The following TM9SF3 variants were observed in gnomAD, a reference collection of about 807,000 sequenced individuals.
TM9SF3 encodes transmembrane 9 superfamily member 3.
TM9SF3 carries 14 observed loss-of-function variants against 78.6 expected under a neutral mutation model. The observed-to-expected ratio is 0.18, with a 90% CI of 0.12 to 0.28. TM9SF3 has a LOEUF of 0.28. Among genes scored for constraint, TM9SF3 ranks in the 10% least tolerant of loss-of-function variants. TM9SF3 has a pLI of 1.00. For synonymous variants in TM9SF3, 231 were observed against 241.7 expected (o/e 0.96, Z 0.41); for missense variants, 496 against 721.9 (o/e 0.69, Z 3.59).
intron 14 of TM9SF3, among the ~76,000 whole-genome samples, chr10:96,523,656 G>A (rs1346496048): frequency 6.6e-6 from 1 of 151,826 alleles, no homozygotes; most frequent in African/African-American, 2.4e-5. Flanking sequence ...AAGTATTCTT[G>A]AGTATGATCA....
At chr10:96,583,387 T>C (rs1167250540) in intron 1 of TM9SF3, among the ~76,000 whole-genome samples, 1 of 152,236 alleles carries the variant, frequency 6.6e-6, no homozygotes, top group Non-Finnish European at 1.5e-5. Context: ...GTCAACACTA[T>C]TGCTCCTTAA....
intron 2 of TM9SF3, among the ~76,000 whole-genome samples, chr10:96,568,833 A>C (rs1358999589): frequency 6.6e-6 from 1 of 152,064 alleles, no homozygotes; most frequent in Non-Finnish European, 1.5e-5. Context: ...AACTTCCATG[A>C]ACCTCTCAGT....
intron 3 of TM9SF3, 129 bp downstream of exon 3, chr10:96,565,175 T>C (rs189963065): frequency 3.3e-6 from 3 of 912,558 alleles, no homozygotes; most frequent in Admixed American, 3.2e-5. Context: ...GGTATTAAAA[T>C]CATTCTGTAA....
intron 3 of TM9SF3, 94 bp from the exon 4 acceptor site, chr10:96,562,232 T>A (rs1325966776): frequency 2.8e-6 from 3 of 1,074,286 alleles, no homozygotes; most frequent in Non-Finnish European, 3.9e-6. Flanking sequence ...TTTTTTTTTT[T>A]TTTTACCTCC....
chr10:96,566,439 C>T (rs370792456), intron 2 of TM9SF3, among the ~76,000 whole-genome samples: 7 of 152,044 alleles, frequency 4.6e-5, no homozygotes, highest in African/African-American at 1.7e-4. Flanking sequence ...AGTATGTCTC[C>T]CCAATCCTTA....
intron 9 of TM9SF3, among the ~76,000 whole-genome samples, chr10:96,542,234 G>T (rs939500570): frequency 2.4e-4 from 37 of 152,166 alleles, no homozygotes; most frequent in African/African-American, 8.4e-4. Context: ...GAGAAAAGGA[G>T]ACGGTAAAGT....
chr10:96,539,925 C>T (rs867607492), intron 9 of TM9SF3, among the ~76,000 whole-genome samples: 2 of 152,324 alleles, frequency 1.3e-5, no homozygotes, highest in Middle Eastern at 3.4e-3. Flanking sequence ...GGAATAACCA[C>T]ACCACTAGCT....
At chr10:96,585,852 A>G (rs948491586) in intron 1 of TM9SF3, among the ~76,000 whole-genome samples, 1 of 152,236 alleles carries the variant, frequency 6.6e-6, no homozygotes, top group African/African-American at 2.4e-5. Context: ...TGCCTTGCTC[A>G]AGTCTACCAC....
At chr10:96,586,475 C>T (rs1848631225) in intron 1 of TM9SF3, among the ~76,000 whole-genome samples, 1 of 152,128 alleles carries the variant, frequency 6.6e-6, no homozygotes. Context: ...ACCCCGAGAC[C>T]CTGGGGTGCG....
chr10:96,585,466 C>G (rs1162956425), intron 1 of TM9SF3, among the ~76,000 whole-genome samples: 1 of 152,158 alleles, frequency 6.6e-6, no homozygotes, highest in African/African-American at 2.4e-5. Flanking sequence ...AGGTGAAACA[C>G]CACAAGTACA....
rs925468051 is a variant in TM9SF3, at chr10:96,565,712, G to A, written c.299-286C>T. The stretch of plus-strand genomic sequence containing the variant: ...CAAATTATACAAGAAAATTTATAAA[G>A]TAACTTCAAAATAAATTGATTTTAA... On this transcript the variant is annotated intron_variant, in intron 2 of 14. Transcript: ENST00000371142. 3.3e-5 allele frequency among the ~76,000 whole-genome samples: 5 copies of A among 151,820 alleles called. No individual in the cohort carries two copies. In the East Asian group the frequency reaches 9.6e-4, roughly 29 times the overall value.
chr10:96,532,666 C>T (rs949871080), intron 10 of TM9SF3, among the ~76,000 whole-genome samples: 1 of 152,144 alleles, frequency 6.6e-6, no homozygotes, highest in Admixed American at 6.5e-5. Flanking sequence ...TGATGCTGTA[C>T]TATAAAAGCA....
chr10:96,549,953 G>C (rs1008258468), intron 7 of TM9SF3, among the ~76,000 whole-genome samples: 3 of 151,920 alleles, frequency 2.0e-5, no homozygotes, highest in Non-Finnish European at 4.4e-5. Flanking sequence ...GTGTCAATTC[G>C]ATAGTGATTA....
intron 2 of TM9SF3, among the ~76,000 whole-genome samples, chr10:96,574,142 C>T (rs1351224997): frequency 1.3e-5 from 2 of 152,154 alleles, no homozygotes; most frequent in African/African-American, 4.8e-5. Context: ...AGGCAACCTA[C>T]AGAATGGGAG....
At chr10:96,533,335 T>A in intron 9 of TM9SF3, 145 bp from the exon 10 acceptor site, 1 of 967,832 alleles carries the variant, frequency 1.0e-6, no homozygotes, top group Admixed American at 2.9e-5. Flanking sequence ...AGAAGTACAC[T>A]AATGAAAACA....
chr10:96,522,364 T>C (rs1303553860), intron 14 of TM9SF3, 34 bp from the exon 15 acceptor site: 1 of 1,508,694 alleles, frequency 6.6e-7, no homozygotes. Context: ...TTGAAACAAA[T>C]ACATACAGAG....
intron 2 of TM9SF3, among the ~76,000 whole-genome samples, chr10:96,575,124 G>A (rs992015562): frequency 3.3e-5 from 5 of 151,932 alleles, no homozygotes; most frequent in Admixed American, 6.6e-5. Context: ...ATATGGGTGA[G>A]GATCTCAAAA....
intron 1 of TM9SF3, among the ~76,000 whole-genome samples, chr10:96,585,640 T>G (rs1182247189): frequency 2.0e-5 from 3 of 152,260 alleles, no homozygotes; most frequent in Non-Finnish European, 4.4e-5. Flanking sequence ...CGAAAAGTTT[T>G]GTTGATTACA....
At position 96,521,893 on chromosome 10, in the gene TM9SF3, A is replaced by G. The variant is rs1480749985; in HGVS notation, c.*370T>C. The G allele has an allele frequency of 5.8e-6, 1 of 173,506 alleles. No homozygotes were observed. The highest frequency in any genetic ancestry group is 1.2e-5 in the Non-Finnish European group (1 of 82,722). 10.7% of individuals were successfully genotyped at this position (173,506 alleles called of 1,614,324 possible). On this transcript the variant is annotated 3_prime_UTR_variant, in exon 15 of 15. Coordinates refer to ENST00000371142, the MANE Select transcript of TM9SF3 (RefSeq NM_020123.4). Reference sequence around the variant, plus strand: ...GGAAGATTCCTATTCATGTAATTTTAGCATCCAAGTTTCCCTCTATTTATT... The same window carrying G: ...GGAAGATTCCTATTCATGTAATTTTGGCATCCAAGTTTCCCTCTATTTATT...
Sources: allele counts gnomAD v4.1 joint callset (sites outside exome capture counted in the v4.1 genomes callset), GRCh38; gene constraint gnomAD v4.1.1; transcripts MANE v1.5; gene names NCBI Gene and HGNC (gene_info 2026-07-23, HGNC 2026-07-21).